Variants in DENND2B observed in about 807,000 individuals in gnomAD.
The protein encoded by DENND2B is DENN domain-containing protein 2B.
A neutral mutation model predicts 116.0 loss-of-function variants in DENND2B; 32 were observed. The observed-to-expected ratio is 0.28, with a 90% CI of 0.21 to 0.37. The LOEUF (loss-of-function observed/expected upper bound fraction) is 0.37. Among genes scored for constraint, DENND2B ranks in the 10% least tolerant of loss-of-function variants. The pLI, the probability that DENND2B is intolerant of heterozygous loss-of-function variation, is 1.00. For synonymous variants in DENND2B, 588 were observed against 583.9 expected, an observed-to-expected ratio of 1.01 and a Z score of -0.10; for missense variants, 1,276 against 1,477.7, an observed-to-expected ratio of 0.86 and a Z score of 2.24.
rs778308040 is a variant in DENND2B, at chr11:8,707,253, G to A, written c.2431-28C>T. On this transcript the variant is annotated intron_variant, in intron 12 of 19. Transcript: ENST00000313726. The surrounding 1 kb of genome is among the most constrained non-coding windows in gnomAD (Gnocchi z 4.8). ...GTGCCCACCGCCAGCAGCCCAAAGA[G>A]GAAGGGTGTCAGGGCACTGCCCTTC... 13 of 1,599,654 alleles carry A rather than the reference G, an allele frequency of 8.1e-6. No individual in the cohort carries two copies. The highest frequency in any genetic ancestry group is 2.2e-5 in the South Asian group (2 of 89,486).
At chr11:8,848,022 G>A (rs1415711620) in intron 3 of DENND2B, among the ~76,000 whole-genome samples, 2 of 152,126 alleles carry the variant, frequency 1.3e-5, no homozygotes, top group African/African-American at 4.8e-5. Flanking sequence ...TCATCAACCA[G>A]AGACTACCAC....
upstream of DENND2B, among the ~76,000 whole-genome samples, chr11:8,811,760 A>G (rs554768068): frequency 1.3e-5 from 2 of 152,092 alleles, no homozygotes; most frequent in Non-Finnish European, 2.9e-5. Context: ...TAGAGACAGG[A>G]TCTTGCTCCA....
chr11:8,816,843 C>G (rs1260756162), intron 4 of DENND2B, among the ~76,000 whole-genome samples: 3 of 152,162 alleles, frequency 2.0e-5, no homozygotes, highest in Admixed American at 1.3e-4. Flanking sequence ...GCTGGACTAG[C>G]TGTTCAAGCA....
At chr11:8,847,548 A>C (rs1168373818) in intron 3 of DENND2B, among the ~76,000 whole-genome samples, 1 of 152,248 alleles carries the variant, frequency 6.6e-6, no homozygotes, top group African/African-American at 2.4e-5. Flanking sequence ...AAAAGGGTAT[A>C]AGCAGTCAAA....
At chr11:8,867,865 G>T (rs1267952267) in intron 2 of DENND2B, among the ~76,000 whole-genome samples, 1 of 152,080 alleles carries the variant, frequency 6.6e-6, no homozygotes, top group Non-Finnish European at 1.5e-5. Flanking sequence ...TTACAGGTGT[G>T]AGCCACAGCA....
chr11:8,698,408 T>C (rs4929930), intron 16 of DENND2B, among the ~76,000 whole-genome samples: 27,532 of 152,188 alleles, frequency 0.18, 2,740 homozygotes, highest in East Asian at 0.34. Context: ...AGCTCCGTCA[T>C]TGGTGTGTAA....
chr11:8,695,856 A>C (rs1203285719), intron 18 of DENND2B: 1 of 434,678 alleles, frequency 2.3e-6, no homozygotes, highest in East Asian at 4.4e-5. Context: ...CCTTCAGACA[A>C]CTCTACCATG....
chr11:8,727,711 C>A (rs1356259004), intron 3 of DENND2B, among the ~76,000 whole-genome samples: 5 of 152,140 alleles, frequency 3.3e-5, no homozygotes, highest in Non-Finnish European at 7.4e-5. Context: ...GGCCCAGGAC[C>A]AGAGTTAGTG....
At chr11:8,885,940 C>A (rs1404591069) in intron 1 of DENND2B, among the ~76,000 whole-genome samples, 1 of 150,794 alleles carries the variant, frequency 6.6e-6, no homozygotes, top group Non-Finnish European at 1.5e-5. Context: ...CTTTTTTTTT[C>A]TAACTTTTTT....
At chr11:8,822,465 G>C (rs1346569021) in intron 4 of DENND2B, among the ~76,000 whole-genome samples, 2 of 152,158 alleles carry the variant, frequency 1.3e-5, no homozygotes, top group Non-Finnish European at 2.9e-5. Flanking sequence ...TCTTATAACT[G>C]AACGTTTAGC....
chr11:8,728,724 G>A (rs545033638), intron 3 of DENND2B, among the ~76,000 whole-genome samples: 4 of 152,124 alleles, frequency 2.6e-5, no homozygotes, highest in South Asian at 4.2e-4. Flanking sequence ...GGGTCTCTGC[G>A]GCCTCCTGCA....
At chr11:8,761,968 T>C (rs985833007) in intron 1 of DENND2B, among the ~76,000 whole-genome samples, 1 of 152,266 alleles carries the variant, frequency 6.6e-6, no homozygotes, top group East Asian at 1.9e-4. Flanking sequence ...GGCTGGGGTT[T>C]AGCTTTCCCT....
chr11:8,714,272 G>C (rs1203810060), intron 7 of DENND2B, among the ~76,000 whole-genome samples: 1 of 152,250 alleles, frequency 6.6e-6, no homozygotes, highest in Non-Finnish European at 1.5e-5. Context: ...CTGAGGGCCT[G>C]AGTTGGAGGC....
intron 1 of DENND2B, among the ~76,000 whole-genome samples, chr11:8,885,327 C>T (rs2063949023): frequency 6.6e-6 from 1 of 152,208 alleles, no homozygotes; most frequent in South Asian, 2.1e-4. Flanking sequence ...CTAGTGCTGG[C>T]TAAAATTATA....
intron 1 of DENND2B, among the ~76,000 whole-genome samples, chr11:8,796,133 C>T (rs1422296483): frequency 6.6e-6 from 1 of 152,170 alleles, no homozygotes; most frequent in Non-Finnish European, 1.5e-5. Flanking sequence ...TTGGGCTGAC[C>T]ACAGATCTCA....
upstream of DENND2B, among the ~76,000 whole-genome samples, chr11:8,873,750 G>A (rs913765873): frequency 6.6e-6 from 1 of 152,046 alleles, no homozygotes; most frequent in Non-Finnish European, 1.5e-5. Flanking sequence ...TGAAATAAGC[G>A]CACAGTAAAT....
chr11:8,788,741 C>G (rs1045092067), intron 1 of DENND2B, among the ~76,000 whole-genome samples: 7 of 152,052 alleles, frequency 4.6e-5, no homozygotes, highest in African/African-American at 1.7e-4. Context: ...TTGCACAAAC[C>G]CTGAACCTGG....
intron 2 of DENND2B, among the ~76,000 whole-genome samples, chr11:8,869,392 G>C (rs1334210485): frequency 6.6e-6 from 1 of 152,204 alleles, no homozygotes; most frequent in Non-Finnish European, 1.5e-5. Context: ...CCTGGGCCCA[G>C]TGGCTCACGC....
chr11:8,754,029 G>GCGCGCATACA (rs146486674), intron 1 of DENND2B, among the ~76,000 whole-genome samples: 1 of 138,734 alleles, frequency 7.2e-6, no homozygotes, highest in East Asian at 2.1e-4. Flanking sequence ...CCAAAAGCGC[G>GCGCGCATACA]CACACACACA....
Sources: allele counts gnomAD v4.1 joint callset (sites outside exome capture counted in the v4.1 genomes callset), GRCh38; gene constraint gnomAD v4.1.1; non-coding constraint Gnocchi (gnomAD v3.1); transcripts MANE v1.5; gene names NCBI Gene and HGNC (gene_info 2026-07-23, HGNC 2026-07-21).